Variants in NTNG1 observed in about 807,000 individuals in gnomAD.
The protein encoded by NTNG1 is netrin G1, also known as netrin-G1.
NTNG1 carries 16 observed loss-of-function variants against 54.0 expected under a neutral mutation model. The ratio of observed to expected loss-of-function variants is 0.30; its 90% CI spans 0.20 to 0.45. The LOEUF (loss-of-function observed/expected upper bound fraction) is 0.45. Among genes scored for constraint, NTNG1 ranks in the 20% least tolerant of loss-of-function variants. The pLI is 1.00. For missense variants in NTNG1, 530 were observed against 678.7 expected (o/e 0.78, Z 2.43); for synonymous variants, 255 against 263.1 (o/e 0.97, Z 0.30).
rs1678715551 is a variant in NTNG1 at position 107,481,531 on chromosome 1, C to A, written c.*691C>A. 6.6e-6 allele frequency: 1 copy of A among 152,614 alleles called. No individual in the cohort carries two copies. The highest frequency in any genetic ancestry group is 2.4e-5 in the African/African-American group (1 of 41,448). 9.5% of individuals were successfully genotyped at this position (152,614 alleles called of 1,614,324 possible). A position where few individuals can be genotyped will look rare whatever the true frequency, so the allele number is the denominator to read the frequency against. On this transcript the variant is annotated 3_prime_UTR_variant, in exon 8 of 8. Coordinates refer to ENST00000370068, the MANE Select transcript of NTNG1 (RefSeq NM_001113226.3). ...ATAGGAAAAAAGAAAGTGTATCTAT[C>A]CTTTTGTATTCAAATGAAGTTATTT...
intron 3 of NTNG1, among the ~76,000 whole-genome samples, chr1:107,369,525 T>G (rs1463175829): frequency 6.6e-6 from 1 of 152,192 alleles, no homozygotes; most frequent in Non-Finnish European, 1.5e-5. Flanking sequence ...TTCATTTGCT[T>G]ATTTGCCATA....
Position 107,148,772 on chromosome 1 carries a change from A to G in NTNG1, c.179A>G (p.Tyr60Cys). The G allele has an allele frequency of 6.2e-7, 1 of 1,613,756 alleles. No homozygotes were observed. Among genetic ancestry groups the G allele is most frequent in the Non-Finnish European group, 8.5e-7 (1 of 1,179,700 alleles). ...CQPESTDMTK[Y>C]LKVKLDPPDI... ...CCGGAATCCACGGACATGACAAAAT[A>G]TCTGAAAGTGAAACTCGATCCTCCG... Residue 60 changes from tyrosine (Y) to cysteine (C), a missense_variant, in exon 2 of 8, where the codon TAT becomes TGT. Transcript: ENST00000370068.
At chr1:107,183,819 C>A (rs1037710567) in intron 2 of NTNG1, among the ~76,000 whole-genome samples, 5 of 152,044 alleles carry the variant, frequency 3.3e-5, no homozygotes, top group African/African-American at 7.2e-5. Flanking sequence ...CTCCTTAGCC[C>A]CCTTCCCCCA....
At chr1:107,407,626 T>A in intron 4 of NTNG1, 56 bp from the exon 5 acceptor site, 1 of 1,355,122 alleles carries the variant, frequency 7.4e-7, no homozygotes, top group Non-Finnish European at 1.0e-6. Flanking sequence ...AAGTTAAAGA[T>A]GTTATGTACT....
At chr1:107,263,800 C>G (rs143989288) in intron 2 of NTNG1, among the ~76,000 whole-genome samples, 16 of 152,278 alleles carry the variant, frequency 1.1e-4, no homozygotes, top group African/African-American at 3.8e-4. Flanking sequence ...TCCATTTTAA[C>G]ATTCATTTTC....
rs890491824 is a variant in NTNG1 at position 107,481,983 on chromosome 1, G to A, written c.*1143G>A. On this transcript the variant is annotated 3_prime_UTR_variant, in exon 8 of 8. Transcript: ENST00000370068. ...GACGAATTTAGTTCCCAGGAAGATG[G>A]ATTGATGTTCACTAGCTTGGACAAC... is the stretch of plus-strand genomic sequence containing the variant. 1.4e-5 allele frequency: 2 copies of A among 143,724 alleles called. No homozygotes were observed. Among genetic ancestry groups the A allele is most frequent in the Non-Finnish European group, 3.0e-5 (2 of 66,522 alleles). 8.9% of individuals were successfully genotyped at this position (143,724 alleles called of 1,614,324 possible).
intron 2 of NTNG1, among the ~76,000 whole-genome samples, chr1:107,199,520 T>A (rs1023607696): frequency 6.6e-6 from 1 of 151,940 alleles, no homozygotes; most frequent in African/African-American, 2.4e-5. Flanking sequence ...TACTAAGTAT[T>A]ATCTCAATGT....
intron 2 of NTNG1, among the ~76,000 whole-genome samples, chr1:107,302,956 A>G (rs1422715809): frequency 6.6e-6 from 1 of 152,232 alleles, no homozygotes; most frequent in African/African-American, 2.4e-5. Context: ...AGCTTAGGCT[A>G]TTCGCCACTC....
At chr1:107,264,853 C>G (rs1204433539) in intron 2 of NTNG1, among the ~76,000 whole-genome samples, 1 of 152,174 alleles carries the variant, frequency 6.6e-6, no homozygotes, top group African/African-American at 2.4e-5. Flanking sequence ...AGGAAACATA[C>G]ATTCACACAT....
chr1:107,240,985 T>C (rs777780116), intron 2 of NTNG1, among the ~76,000 whole-genome samples: 1 of 152,218 alleles, frequency 6.6e-6, no homozygotes, highest in East Asian at 1.9e-4. Flanking sequence ...GGATTTTTTT[T>C]TGAAGTACTA....
chr1:107,333,427 A>G (rs1001504496), intron 3 of NTNG1, among the ~76,000 whole-genome samples: 1 of 152,052 alleles, frequency 6.6e-6, no homozygotes, highest in Non-Finnish European at 1.5e-5. Flanking sequence ...ACTTCCTTCT[A>G]TGAGAATCAC....
chr1:107,233,722 G>A (rs570851849), intron 2 of NTNG1, among the ~76,000 whole-genome samples: 1 of 152,176 alleles, frequency 6.6e-6, no homozygotes, highest in Non-Finnish European at 1.5e-5. Context: ...AATCTTACTT[G>A]TAGATTTTGA....
At chr1:107,255,309 A>G (rs1466309493) in intron 2 of NTNG1, among the ~76,000 whole-genome samples, 1 of 152,192 alleles carries the variant, frequency 6.6e-6, no homozygotes, top group Admixed American at 6.5e-5. Context: ...TATGGCAAAG[A>G]TAGTTTTCCT....
At position 107,303,922 on chromosome 1, in the gene NTNG1, T is replaced by A. The variant is rs891056704; in HGVS notation, c.247-20360T>A. On this transcript the variant is annotated intron_variant, in intron 2 of 7. Transcript: ENST00000370068. The stretch of plus-strand genomic sequence containing the variant: ...GGATGGTCTTGATCTCCTGACCTCA[T>A]AATCCGCCCGCCTTGGCCTCCAGAA... 4.7e-4 allele frequency among the ~76,000 whole-genome samples: 72 copies of A among 152,048 alleles called. 1 individual carries two copies. In the Middle Eastern group the frequency reaches 0.01, roughly 22 times the overall value.
intron 7 of NTNG1, among the ~76,000 whole-genome samples, chr1:107,480,310 A>G (rs1678604067): frequency 6.6e-6 from 1 of 152,224 alleles, no homozygotes; most frequent in Non-Finnish European, 1.5e-5. Context: ...AAGAAAAGAT[A>G]CTGCCAAACT....
intron 5 of NTNG1, among the ~76,000 whole-genome samples, chr1:107,417,806 A>G (rs529720760): frequency 6.6e-6 from 1 of 152,232 alleles, no homozygotes; most frequent in African/African-American, 2.4e-5. Flanking sequence ...GTTTAAAAAC[A>G]TTAAATCCTA....
chr1:107,428,318 T>C (rs1025385202), intron 5 of NTNG1, among the ~76,000 whole-genome samples: 8 of 152,144 alleles, frequency 5.3e-5, no homozygotes, highest in Non-Finnish European at 1.0e-4. Flanking sequence ...GAAGTTCTCC[T>C]TCTACTTAGA....
At chr1:107,178,383 G>A (rs3924253) in intron 2 of NTNG1, among the ~76,000 whole-genome samples, 115,050 of 151,846 alleles carry the variant, frequency 0.76, 44,612 homozygotes, top group Middle Eastern at 0.87. Context: ...CATTTGCCCC[G>A]TTTCTTGCAC....
chr1:107,467,784 TG>T (rs1677701172), intron 7 of NTNG1, among the ~76,000 whole-genome samples: 1 of 152,234 alleles, frequency 6.6e-6, no homozygotes, highest in African/African-American at 2.4e-5. Flanking sequence ...GCCTTGCTGA[TG>T]TATTTTAAGA....
Sources: allele counts gnomAD v4.1 joint callset (sites outside exome capture counted in the v4.1 genomes callset), GRCh38; gene constraint gnomAD v4.1.1; transcripts MANE v1.5; gene names NCBI Gene and HGNC (gene_info 2026-07-23, HGNC 2026-07-21).